Variants in NRG1 observed in about 807,000 individuals in gnomAD.
The protein encoded by NRG1 is neuregulin 1.
Under a neutral mutation model 63.8 loss-of-function variants are expected in NRG1, and 18 were observed. That is an observed-to-expected ratio of 0.28 (90% CI 0.19 to 0.42). The LOEUF is 0.42. Among genes scored for constraint, NRG1 ranks in the 10% least tolerant of loss-of-function variants. The pLI, the probability that NRG1 is intolerant of heterozygous loss-of-function variation, is 1.00. For synonymous variants in NRG1, 302 were observed against 301.3 expected, an observed-to-expected ratio of 1.00 and a Z score of -0.02; for missense variants, 762 against 814.7, an observed-to-expected ratio of 0.94 and a Z score of 0.79.
intron 1 of NRG1, among the ~76,000 whole-genome samples, chr8:32,236,986 T>C (rs1847629852): frequency 6.6e-6 from 1 of 152,122 alleles, no homozygotes; most frequent in African/African-American, 2.4e-5. Context: ...ACACTCAAGA[T>C]GGGAATGATA....
At chr8:32,148,555 C>A (rs150753891) in intron 1 of NRG1, among the ~76,000 whole-genome samples, 1 of 152,122 alleles carries the variant, frequency 6.6e-6, no homozygotes, top group Non-Finnish European at 1.5e-5. Flanking sequence ...CCCACCACCA[C>A]GCCCGGCTAA....
At chr8:32,753,146 T>C (rs1218404167) in intron 7 of NRG1, among the ~76,000 whole-genome samples, 1 of 152,204 alleles carries the variant, frequency 6.6e-6, no homozygotes, top group Non-Finnish European at 1.5e-5. Flanking sequence ...CCCCAGTTCT[T>C]GACCAATTTA....
chr8:32,460,876 C>G (rs1468732893), intron 1 of NRG1, among the ~76,000 whole-genome samples: 1 of 152,110 alleles, frequency 6.6e-6, no homozygotes, highest in African/African-American at 2.4e-5. Context: ...GTTCTATCCA[C>G]AGAAGAAAAA....
At chr8:32,704,770 A>G (rs994762453) in intron 5 of NRG1, among the ~76,000 whole-genome samples, 2 of 152,190 alleles carry the variant, frequency 1.3e-5, no homozygotes, top group African/African-American at 4.8e-5. Context: ...AATGTTCCTC[A>G]AGTCATAGTG....
At chr8:32,706,005 G>T (rs1490076445) in intron 5 of NRG1, among the ~76,000 whole-genome samples, 2 of 152,224 alleles carry the variant, frequency 1.3e-5, no homozygotes, top group South Asian at 2.1e-4. Context: ...CAGAGGGAGG[G>T]TAGACACCTA....
At chr8:31,831,192 C>T (rs1221648419) in intron 1 of NRG1, among the ~76,000 whole-genome samples, 1 of 151,894 alleles carries the variant, frequency 6.6e-6, no homozygotes, top group Non-Finnish European at 1.5e-5. Flanking sequence ...ACATCCGCCT[C>T]CTGAGTTCAA....
upstream of NRG1, among the ~76,000 whole-genome samples, chr8:32,545,858 T>G (rs1279981946): frequency 6.6e-6 from 1 of 152,224 alleles, no homozygotes; most frequent in African/African-American, 2.4e-5. Context: ...AAAGGATTGT[T>G]GTCATGCAAT....
At chr8:32,204,524 T>C (rs577885561) in intron 1 of NRG1, among the ~76,000 whole-genome samples, 8 of 152,180 alleles carry the variant, frequency 5.3e-5, no homozygotes, top group Non-Finnish European at 1.2e-4. Flanking sequence ...CAAATGACTT[T>C]GGATGTTAAA....
intron 5 of NRG1, among the ~76,000 whole-genome samples, chr8:32,632,549 C>CAAAAA (rs5890673): frequency 9.1e-6 from 1 of 110,050 alleles, no homozygotes; most frequent in Non-Finnish European, 1.9e-5. Context: ...AACTCCATCT[C>CAAAAA]AAAAAAAAAA....
chr8:32,088,436 A>G (rs1828611229), intron 1 of NRG1, among the ~76,000 whole-genome samples: 2 of 152,126 alleles, frequency 1.3e-5, no homozygotes, highest in South Asian at 4.1e-4. Flanking sequence ...ATCATAGTTA[A>G]TGGGCTACCT....
In NRG1 at chr8:32,754,022, C is replaced by CAA. The variant is rs139167058; in HGVS notation, c.692-342_692-341dup. On this transcript the variant is annotated intron_variant, in intron 7 of 11. Transcript: ENST00000356819. Reference sequence around the variant, plus strand: ...TTATATTTTATTTTGCAAGAGACTACAAAAAAAAATAAAACTACAGAGTTT... The same window carrying CAA: ...TTATATTTTATTTTGCAAGAGACTACAAAAAAAAAAATAAAACTACAGAGTTT... Among the ~76,000 whole-genome samples the CAA allele has an allele frequency of 2.7e-3, 397 of 149,192 alleles. 3 individuals carry two copies. The highest frequency in any genetic ancestry group is 9.2e-3 in the African/African-American group (375 of 40,712).
At chr8:31,847,184 A>G (rs1225392114) in intron 1 of NRG1, among the ~76,000 whole-genome samples, 1 of 152,226 alleles carries the variant, frequency 6.6e-6, no homozygotes, top group Non-Finnish European at 1.5e-5. Flanking sequence ...TTGGTGTTAC[A>G]CAATCTTTCC....
chr8:32,216,246 A>C (rs1006908498), intron 1 of NRG1, among the ~76,000 whole-genome samples: 6 of 150,270 alleles, frequency 4.0e-5, no homozygotes, highest in Non-Finnish European at 8.9e-5. Context: ...AGCCATAAAT[A>C]ATGCATTCAA....
At chr8:31,762,172 C>G (rs1817629330) in intron 1 of NRG1, among the ~76,000 whole-genome samples, 1 of 151,998 alleles carries the variant, frequency 6.6e-6, no homozygotes, top group Non-Finnish European at 1.5e-5. Flanking sequence ...TGGTGGTTTG[C>G]TGCACCTATT....
chr8:32,689,671 T>C (rs1320922948), intron 5 of NRG1, among the ~76,000 whole-genome samples: 1 of 152,216 alleles, frequency 6.6e-6, no homozygotes, highest in Non-Finnish European at 1.5e-5. Context: ...AATGTAATGC[T>C]ATGTGTATAC....
At chr8:32,048,827 G>A (rs4288332) in intron 1 of NRG1, among the ~76,000 whole-genome samples, 148,852 of 152,018 alleles carry the variant, frequency 0.98, 72,946 homozygotes, top group East Asian at 1. Flanking sequence ...TTTTGTTGCT[G>A]TTGAGTTGTT....
At position 32,078,576 on chromosome 8, in the gene NRG1, A is replaced by G. The variant is rs142406206; in HGVS notation, c.37+439145A>G. On this transcript the variant is annotated intron_variant, in intron 1 of 10. Coordinates refer to the NRG1 transcript ENST00000519301. The stretch of plus-strand genomic sequence containing the variant: ...GTATTGTTCTAGGGTAGCCCCTGGT[A>G]TCCATTGAAGACTCTGACCGTGAGC... Among the ~76,000 whole-genome samples, 10 of 152,328 alleles carry G rather than the reference A, an allele frequency of 6.6e-5. No individual in the cohort carries two copies. The East Asian group carries it at 1.2e-3, about 18-fold the overall frequency.
chr8:32,396,338 T>C (rs1812434951), intron 1 of NRG1, among the ~76,000 whole-genome samples: 1 of 152,262 alleles, frequency 6.6e-6, no homozygotes, highest in African/African-American at 2.4e-5. Context: ...CAACTTAATA[T>C]TGAGTCTTAT....
chr8:32,208,020 A>G (rs141174075), intron 1 of NRG1, among the ~76,000 whole-genome samples: 1 of 152,344 alleles, frequency 6.6e-6, no homozygotes, highest in African/African-American at 2.4e-5. Flanking sequence ...TTAGGAAATG[A>G]GACATGATTT....
Sources: allele counts gnomAD v4.1 joint callset (sites outside exome capture counted in the v4.1 genomes callset), GRCh38; gene constraint gnomAD v4.1.1; transcripts MANE v1.5; gene names NCBI Gene and HGNC (gene_info 2026-07-23, HGNC 2026-07-21).